The following ZC3HAV1 variants were observed in gnomAD, a reference collection of about 807,000 sequenced individuals.
The protein encoded by ZC3HAV1 is zinc finger CCCH-type containing, antiviral 1.
A neutral mutation model predicts 86.6 loss-of-function variants in ZC3HAV1; 41 were observed. That is an observed-to-expected ratio of 0.47 (90% CI 0.37 to 0.61). ZC3HAV1 has a LOEUF of 0.61. Ranked by LOEUF, ZC3HAV1 falls within the 20% of genes least tolerant of loss-of-function variation. The pLI, the probability that ZC3HAV1 is intolerant of heterozygous loss-of-function variation, is 0.00. For missense variants in ZC3HAV1, 964 were observed against 1,141.1 expected, an observed-to-expected ratio of 0.84 and a Z score of 2.24; for synonymous variants, 421 against 432.1, an observed-to-expected ratio of 0.97 and a Z score of 0.32.
At chr7:139,089,557 C>A in intron 2 of ZC3HAV1, 67 bp downstream of exon 2, 1 of 1,491,714 alleles carries the variant, frequency 6.7e-7, no homozygotes, top group Non-Finnish European at 8.9e-7. Flanking sequence ...GCTCCTACTC[C>A]AAAATATCTG....
intron 8 of ZC3HAV1, 137 bp downstream of exon 8, chr7:139,064,742 G>C: frequency 7.1e-7 from 1 of 1,411,930 alleles, no homozygotes; most frequent in Non-Finnish European, 9.7e-7. Context: ...ATGGCCACTA[G>C]CTTGCACTCC....
At chr7:139,069,694 A>C (rs1816712764) in intron 7 of ZC3HAV1, among the ~76,000 whole-genome samples, 1 of 152,106 alleles carries the variant, frequency 6.6e-6, no homozygotes, top group African/African-American at 2.4e-5. Context: ...TAAGTACATC[A>C]ATTTCCATAA....
chr7:139,109,495 G>A lies in ZC3HAV1; in HGVS notation c.-164C>T. 1.2e-6 allele frequency: 1 copy of A among 857,388 alleles called. No individual in the cohort carries two copies. 53.1% of individuals were successfully genotyped at this position (857,388 alleles called of 1,614,324 possible). On this transcript the variant is annotated 5_prime_UTR_variant, in exon 1 of 13. Transcript: ENST00000242351. ...TCCGTCGCCGTTAGCCCAGCCCAGC[G>A]ATCCACTCTCGGCTCTCAGGTCAAG...
At position 139,079,582 on chromosome 7, in the gene ZC3HAV1, A is replaced by T; in HGVS notation, c.1359T>A (p.Gly453=). 2.5e-6 allele frequency: 4 copies of T among 1,614,132 alleles called. No homozygotes were observed. The highest frequency in any genetic ancestry group is 3.4e-6 in the Non-Finnish European group (4 of 1,180,030). Residue 453 remains glycine, a synonymous_variant, in exon 4 of 13, where the codon GGT becomes GGA. Coordinates refer to ENST00000242351, the MANE Select transcript of ZC3HAV1 (RefSeq NM_020119.4). ...RSLNYKSTSS[G]HREISSPRIQ... The stretch of plus-strand genomic sequence containing the variant: ...TCCTAGGTGATGATATTTCTCTGTG[A>T]CCGCTGCTAGTGCTTTTGTAATTTA...
intron 7 of ZC3HAV1, among the ~76,000 whole-genome samples, chr7:139,072,201 T>A (rs1816793295): frequency 2.0e-5 from 3 of 152,160 alleles, no homozygotes; most frequent in South Asian, 4.1e-4. Flanking sequence ...ATTATCTTTT[T>A]TTTTTTGGAA....
At chr7:139,052,644 C>T (rs908703119) in intron 12 of ZC3HAV1, among the ~76,000 whole-genome samples, 3 of 149,770 alleles carry the variant, frequency 2.0e-5, no homozygotes, top group Non-Finnish European at 4.4e-5. Context: ...TGCATGCATC[C>T]AGGAGCAGTG....
chr7:139,060,914 G>A (rs1226788292), intron 9 of ZC3HAV1, 122 bp downstream of exon 9: 1 of 1,590,768 alleles, frequency 6.3e-7, no homozygotes, highest in Non-Finnish European at 8.5e-7. Flanking sequence ...AATGGAAACT[G>A]CAGAGTAATG....
intron 6 of ZC3HAV1, 147 bp downstream of exon 6, chr7:139,076,139 T>G (rs1268751515): frequency 7.6e-7 from 1 of 1,318,282 alleles, no homozygotes; most frequent in African/African-American, 1.5e-5. Context: ...CGGCAGGCAT[T>G]TGCCATTTTT....
chr7:139,073,532 C>A (rs1227535951), intron 7 of ZC3HAV1, among the ~76,000 whole-genome samples: 1 of 151,946 alleles, frequency 6.6e-6, no homozygotes, highest in Non-Finnish European at 1.5e-5. Flanking sequence ...AATCCATCCC[C>A]CAGGCTGGAA....
Position 139,079,826 on chromosome 7 carries a change from C to T in ZC3HAV1, c.1115G>A (p.Arg372Lys). 1.2e-6 allele frequency: 2 copies of T among 1,614,190 alleles called. No individual in the cohort carries two copies. The highest frequency in any genetic ancestry group is 1.7e-6 in the Non-Finnish European group (2 of 1,180,038). The change falls in exon 4 of 13, where the codon AGG becomes AAG. Residue 372 changes from arginine (R) to lysine (K), a missense_variant. Physicochemically the swap from Arg to Lys is conservative, Grantham distance 26. Transcript: ENST00000242351. ...LTSWTNDQGA[R>K]RKTVFSPTLP... The stretch of plus-strand genomic sequence containing the variant: ...CGTGGGAGAAAACACAGTCTTTCTC[C>T]TGGCGCCTTGGTCATTCGTCCAGGA...
chr7:139,094,980 C>CTTTT (rs367844812), intron 1 of ZC3HAV1, among the ~76,000 whole-genome samples: 1 of 136,148 alleles, frequency 7.3e-6, no homozygotes, highest in African/African-American at 2.7e-5. Flanking sequence ...TAACCCGAGT[C>CTTTT]TTTTTTTTTT....
intron 9 of ZC3HAV1, among the ~76,000 whole-genome samples, chr7:139,056,451 C>A (rs1007938404): frequency 2.4e-5 from 3 of 125,700 alleles, no homozygotes; most frequent in African/African-American, 9.2e-5. Flanking sequence ...CACTCTGTTG[C>A]CCAGGCTGAG....
chr7:139,091,216 C>T (rs1449553221), intron 1 of ZC3HAV1, among the ~76,000 whole-genome samples: 3 of 152,194 alleles, frequency 2.0e-5, no homozygotes, highest in Admixed American at 6.5e-5. Flanking sequence ...TCCCCTCCAG[C>T]AGGCCAGGCG....
chr7:139,072,047 A>C (rs150920590), intron 7 of ZC3HAV1, among the ~76,000 whole-genome samples: 1 of 152,346 alleles, frequency 6.6e-6, no homozygotes, highest in African/African-American at 2.4e-5. Flanking sequence ...TCAGAGCCAA[A>C]TGTATAGCCC....
chr7:139,105,218 GA>G (rs999208726), intron 1 of ZC3HAV1, among the ~76,000 whole-genome samples: 14 of 145,244 alleles, frequency 9.6e-5, no homozygotes, highest in Admixed American at 2.1e-4. Flanking sequence ...CATTTCTAAA[GA>G]AAAAAAAAAG....
intron 12 of ZC3HAV1, among the ~76,000 whole-genome samples, chr7:139,048,095 A>C (rs1816012929): frequency 6.6e-6 from 1 of 152,212 alleles, no homozygotes; most frequent in African/African-American, 2.4e-5. Context: ...TCATGCTGAT[A>C]GTGTGAGCCA....
rs1222972630 is a variant in ZC3HAV1, at chr7:139,109,009, T to A, written c.308+15A>T. Reference sequence around the variant, plus strand: ...CACGGCTGCGGACAGCGCCCCTCCCTCCGGGTGCACTCACCGCTCGGACTG... The same window carrying A: ...CACGGCTGCGGACAGCGCCCCTCCCACCGGGTGCACTCACCGCTCGGACTG... On this transcript the variant is annotated intron_variant, in intron 1 of 12. Coordinates refer to ENST00000242351, the MANE Select transcript of ZC3HAV1 (RefSeq NM_020119.4). 1.3e-6 allele frequency: 2 copies of A among 1,534,814 alleles called. No individual in the cohort carries two copies. Among genetic ancestry groups the A allele is most frequent in the African/African-American group, 2.7e-5 (2 of 73,308 alleles).
chr7:139,079,047 T>C, intron 4 of ZC3HAV1: 10 of 1,528,514 alleles, frequency 6.5e-6, no homozygotes, highest in Non-Finnish European at 8.7e-6. Context: ...CCACCAGCCA[T>C]AGCCACTCTG....
At position 139,045,901 on chromosome 7, in the gene ZC3HAV1, A is replaced by ATTTTTT. The variant is rs61634792; in HGVS notation, c.*1687_*1692dup. ...AAAATAACTCTACTCTAAAAAAACTATTTTTTTTTTTTTTTTTTTTTTTTT... is the reference window on the plus strand; with the variant it reads ...AAAATAACTCTACTCTAAAAAAACTATTTTTTTTTTTTTTTTTTTTTTTTTTTTTTT... On this transcript the variant is annotated 3_prime_UTR_variant, in exon 13 of 13. Transcript: ENST00000242351. The ATTTTTT allele has an allele frequency of 2.0e-5, 2 of 98,920 alleles. No homozygotes were observed. Among genetic ancestry groups the ATTTTTT allele is most frequent in the Admixed American group, 1.3e-4 (1 of 7,892 alleles). 6.1% of individuals were successfully genotyped at this position (98,920 alleles called of 1,614,324 possible).
Sources: gnomAD v4.1 joint callset for allele counts (sites outside exome capture counted in the v4.1 genomes callset) on GRCh38, gnomAD v4.1.1 for gene constraint, MANE v1.5 for transcripts, NCBI Gene and HGNC (gene_info 2026-07-23, HGNC 2026-07-21) for gene names.